Variants in TNNT3 observed in about 807,000 individuals in gnomAD.
The protein encoded by TNNT3 is troponin T, fast skeletal muscle.
In TNNT3, 36 loss-of-function variants were observed where a neutral mutation model predicts 54.2. The observed-to-expected ratio is 0.66, with a 90% confidence interval of 0.51 to 0.88. The LOEUF (loss-of-function observed/expected upper bound fraction) is 0.88. Among genes scored for constraint, TNNT3 ranks in the 40% least tolerant of loss-of-function variants. The pLI, the probability that TNNT3 is intolerant of heterozygous loss-of-function variation, is 0.00. For synonymous variants in TNNT3, 120 were observed against 109.7 expected (o/e 1.09, Z -0.59); for missense variants, 291 against 331.6 (o/e 0.88, Z 0.95).
At chr11:1,923,597 C>A (rs199720054) in intron 4 of TNNT3, 25 bp downstream of exon 4, 1 of 1,405,196 alleles carries the variant, frequency 7.1e-7, no homozygotes, top group South Asian at 1.1e-5. Flanking sequence ...CACCGGAAGC[C>A]CCCCCAGCCC....
chr11:1,932,774 A>G (rs1001830155), intron 9 of TNNT3, among the ~76,000 whole-genome samples: 2 of 151,206 alleles, frequency 1.3e-5, no homozygotes, highest in African/African-American at 2.4e-5. Context: ...CTATCCATTC[A>G]TACACCCACC....
At chr11:1,931,893 G>T (rs1206204045) in intron 8 of TNNT3, among the ~76,000 whole-genome samples, 3 of 152,054 alleles carry the variant, frequency 2.0e-5, no homozygotes, top group African/African-American at 7.2e-5. Context: ...AAAAATTGTT[G>T]TTGTTTTAAC....
chr11:1,930,607 G>A (rs1004364930), intron 8 of TNNT3, among the ~76,000 whole-genome samples: 4 of 152,084 alleles, frequency 2.6e-5, no homozygotes, highest in Non-Finnish European at 4.4e-5. Flanking sequence ...TTTATCTCTC[G>A]AGTGCTCTTG....
At chr11:1,926,554 G>A (rs1242837072) in intron 5 of TNNT3, 141 bp from the exon 6 acceptor site, 1 of 1,611,298 alleles carries the variant, frequency 6.2e-7, no homozygotes, top group Non-Finnish European at 8.5e-7. Flanking sequence ...GAAGGAACAA[G>A]AGGGGCCGCG....
intron 15 of TNNT3, 180 bp from the exon 16 acceptor site, chr11:1,938,258 G>A (rs182506619): frequency 9.7e-5 from 68 of 702,904 alleles, no homozygotes; most frequent in African/African-American, 1.9e-4. Context: ...ACCTAGGCCC[G>A]CCAGGCACAG....
At chr11:1,922,048 G>A (rs146866277) in intron 1 of TNNT3, among the ~76,000 whole-genome samples, 6 of 152,232 alleles carry the variant, frequency 3.9e-5, no homozygotes, top group African/African-American at 1.2e-4. Context: ...GAGGGAAATG[G>A]GGGGGCTGTT....
At chr11:1,933,669 G>A (rs1396986335) in intron 9 of TNNT3, 52 bp from the exon 10 acceptor site, 97 of 1,460,008 alleles carry the variant, frequency 6.6e-5, no homozygotes, top group Non-Finnish European at 8.7e-5. Context: ...GGCCAGGCAG[G>A]GCAGAGGTTG....
At chr11:1,929,724 G>T (rs749078640) in intron 7 of TNNT3, 86 bp from the exon 8 acceptor site, 75 of 1,483,958 alleles carry the variant, frequency 5.1e-5, no homozygotes, top group Non-Finnish European at 4.6e-5. Context: ...ACCCAGGGCC[G>T]CAGGCCGCCC....
At chr11:1,927,182 G>T (rs964720774) in intron 6 of TNNT3, among the ~76,000 whole-genome samples, 2 of 152,226 alleles carry the variant, frequency 1.3e-5, no homozygotes, top group East Asian at 3.9e-4. Flanking sequence ...GTGGAGTGAA[G>T]CAGAAAAGCA....
chr11:1,932,345 C>A, intron 8 of TNNT3, 124 bp from the exon 9 acceptor site: 1 of 900,858 alleles, frequency 1.1e-6, no homozygotes, highest in Non-Finnish European at 1.9e-6. Context: ...GGCGGGCATG[C>A]TTGGCTGGGG....
chr11:1,936,939 G>T, intron 14 of TNNT3, 24 bp from the exon 15 acceptor site: 1 of 1,599,914 alleles, frequency 6.3e-7, no homozygotes, highest in South Asian at 1.1e-5. Flanking sequence ...GGTCGTCGCA[G>T]TGAGTCACTC....
chr11:1,936,323 A>G (rs907193918), intron 14 of TNNT3: 1 of 1,560,234 alleles, frequency 6.4e-7, no homozygotes. Flanking sequence ...AACCTCTCGC[A>G]TGGCAAAAAC....
chr11:1,926,942 A>G (rs1851783812), intron 6 of TNNT3, among the ~76,000 whole-genome samples: 2 of 152,138 alleles, frequency 1.3e-5, no homozygotes, highest in Non-Finnish European at 2.9e-5. Context: ...GCCTGGGGAC[A>G]ATGAGGCCCT....
At position 1,933,922 on chromosome 11, in the gene TNNT3, T is replaced by C. The variant is rs1854180556; in HGVS notation, c.289-9T>C. ...ACAGGGCTGAGCAGACCCCCTTCTC[T>C]GGCTGCAGGAGAAGCGCCGTGCAGA... On this transcript the variant is annotated splice_polypyrimidine_tract_variant and intron_variant, in intron 10 of 15. Transcript: ENST00000278317. 1.2e-6 allele frequency: 2 copies of C among 1,612,656 alleles called. No individual in the cohort carries two copies. The highest frequency in any genetic ancestry group is 1.1e-5 in the South Asian group (1 of 91,086).
intron 5 of TNNT3, 53 bp downstream of exon 5, chr11:1,925,169 C>T: frequency 6.2e-7 from 1 of 1,602,696 alleles, no homozygotes; most frequent in Non-Finnish European, 8.5e-7. Context: ...GCCTTCCCGC[C>T]CCACCCAAAG....
At position 1,938,579 on chromosome 11, in the gene TNNT3, C is replaced by T; in HGVS notation, c.*87C>T. The T allele has an allele frequency of 7.2e-7, 1 of 1,395,424 alleles. No homozygotes were observed. Among genetic ancestry groups the T allele is most frequent in the Non-Finnish European group, 1.0e-6 (1 of 996,010 alleles). The allele number at this position is 1,395,424 out of a possible 1,614,324, so 86.4% of individuals were successfully genotyped here. ...GTGGGACTCCACATCCTCCAGCCCC[C>T]ACAATCCTGTCAGGGGCTCCCTGAC... is the stretch of plus-strand genomic sequence containing the variant. On this transcript the variant is annotated 3_prime_UTR_variant, in exon 16 of 16. Transcript: ENST00000278317.
At chr11:1,936,340 C>A (rs1274240363) in intron 14 of TNNT3, 3 of 1,471,326 alleles carry the variant, frequency 2.0e-6, no homozygotes, top group Admixed American at 1.7e-5. Context: ...AAACCTGGAT[C>A]GCTCAGGATG....
chr11:1,936,920 T>A (rs1205414510), intron 14 of TNNT3, 43 bp from the exon 15 acceptor site: 1 of 1,581,420 alleles, frequency 6.3e-7, no homozygotes, highest in East Asian at 2.3e-5. Context: ...CACGCAGGCC[T>A]GGCCCTCGGG....
chr11:1,926,125 G>C (rs547509494), intron 5 of TNNT3, among the ~76,000 whole-genome samples: 2 of 152,266 alleles, frequency 1.3e-5, no homozygotes, highest in Non-Finnish European at 2.9e-5. Context: ...ACACCCTTCT[G>C]GGGGCGCCCC....
Sources: allele counts gnomAD v4.1 joint callset (sites outside exome capture counted in the v4.1 genomes callset), GRCh38; gene constraint gnomAD v4.1.1; transcripts MANE v1.5; gene names NCBI Gene and HGNC (gene_info 2026-07-23, HGNC 2026-07-21).